Variants in PCNT observed in about 807,000 individuals in gnomAD.
PCNT encodes kendrin.
A neutral mutation model predicts 380.4 loss-of-function variants in PCNT; 319 were observed. The observed-to-expected ratio is 0.84, with a 90% CI of 0.77 to 0.92. The LOEUF is 0.92. Ranked by LOEUF, PCNT falls within the 40% of genes least tolerant of loss-of-function variation. The probability of loss-of-function intolerance (pLI) is 0.00; values close to 1 mark genes in which losing one functional copy is unlikely to be tolerated. For missense variants in PCNT, 4,400 were observed against 4,255.3 expected, an observed-to-expected ratio of 1.03 and a Z score of -0.95; for synonymous variants, 1,845 against 1,735.2, an observed-to-expected ratio of 1.06 and a Z score of -1.57.
intron 3 of PCNT, among the ~76,000 whole-genome samples, chr21:46,340,005 G>A (rs929339288): frequency 2.6e-5 from 4 of 152,062 alleles, no homozygotes; most frequent in African/African-American, 9.7e-5. Flanking sequence ...CCATTCTCAT[G>A]CTGCTAATAA....
At chr21:46,381,339 A>G (rs2085533072) in intron 15 of PCNT, among the ~76,000 whole-genome samples, 1 of 152,148 alleles carries the variant, frequency 6.6e-6, no homozygotes, top group African/African-American at 2.4e-5. Context: ...GTTTCCAAAT[A>G]TCTTGGGTTT....
rs1477293568 is a variant in PCNT at position 46,430,187 on chromosome 21, T to C, written c.7868T>C (p.Leu2623Pro). 6.2e-7 allele frequency: 1 copy of C among 1,614,010 alleles called. No individual in the cohort carries two copies. Among genetic ancestry groups the C allele is most frequent in the Non-Finnish European group, 8.5e-7 (1 of 1,179,950 alleles). ...GAGAGCAGGCAGAAGAGCGAACAGC[T>C]GTCCCGGTCCCTCTGCGAGGTGCAG... is the stretch of plus-strand genomic sequence containing the variant. Reference protein sequence around the residue: ...LCESRQKSEQLSRSLCEVQQE... With the variant: ...LCESRQKSEQPSRSLCEVQQE... The change falls in exon 36 of 47, where the codon CTG becomes CCG. Residue 2623 changes from leucine to proline, a missense_variant. Physicochemically the swap from Leu to Pro is moderately conservative, Grantham distance 98. Coordinates refer to ENST00000359568, the MANE Select transcript of PCNT (RefSeq NM_006031.6).
At chr21:46,441,655 G>A (rs764582508) in intron 43 of PCNT, among the ~76,000 whole-genome samples, 57 of 152,150 alleles carry the variant, frequency 3.7e-4, no homozygotes, top group African/African-American at 1.3e-3. Flanking sequence ...TCCCCTGACC[G>A]TAGGCCTCCA....
intron 16 of PCNT, 101 bp downstream of exon 16, chr21:46,381,941 G>A (rs2085559962): frequency 7.9e-7 from 1 of 1,263,346 alleles, no homozygotes; most frequent in Non-Finnish European, 1.2e-6. Flanking sequence ...GTGCACTCAT[G>A]GTGTTGTGCA....
rs773730479 is a variant in PCNT at position 46,411,141 on chromosome 21, C to A, written c.5116-48C>A. 3 of 1,571,982 alleles carry A rather than the reference C, an allele frequency of 1.9e-6. 1 individual carries two copies. The South Asian group carries it at 3.3e-5, about 18-fold the overall frequency. On this transcript the variant is annotated intron_variant, in intron 27 of 46. Coordinates refer to ENST00000359568, the MANE Select transcript of PCNT (RefSeq NM_006031.6). ...TAACGTGCCCTGAAGTAGGGACATT[C>A]GGAAGTGGATACATTTAATTTGCCT...
rs1007480506 is a variant in PCNT, at chr21:46,388,691, G to A, written c.3465-51G>A. 3 of 1,609,074 alleles carry A rather than the reference G, an allele frequency of 1.9e-6. No homozygotes were observed. The African/African-American group carries it at 4.0e-5, about 21-fold the overall frequency. On this transcript the variant is annotated intron_variant, in intron 17 of 46. Transcript: ENST00000359568. The surrounding 1 kb of genome is among the most constrained non-coding windows in gnomAD (Gnocchi z 4.2). ...GCCCCTCAGCAGCATCCAGGGTGGG[G>A]GTTCTTATGCCGTGACCAGCTTGCC...
At chr21:46,349,245 A>G (rs1000761578) in intron 7 of PCNT, 59 bp downstream of exon 7, 13 of 1,364,502 alleles carry the variant, frequency 9.5e-6, no homozygotes, top group Admixed American at 3.4e-5. Context: ...GTAGTACTGG[A>G]AGGAATGTCG....
Position 46,425,077 on chromosome 21 carries a change from G to A in PCNT, c.7180-754G>A, listed in dbSNP as rs913930942. On this transcript the variant is annotated intron_variant, in intron 32 of 46. Transcript: ENST00000359568. The surrounding 1 kb of genome is among the most constrained non-coding windows in gnomAD (Gnocchi z 4.2). Reference sequence around the variant, plus strand: ...TTTCTCTTCAGGTTTTTATGCAGACGTGTCCTGTGCTTGGGTGTGTGCTCA... The same window carrying A: ...TTTCTCTTCAGGTTTTTATGCAGACATGTCCTGTGCTTGGGTGTGTGCTCA... Among the ~76,000 whole-genome samples, 3 of 152,064 alleles carry A rather than the reference G, an allele frequency of 2.0e-5. No homozygotes were observed. Among genetic ancestry groups the A allele is most frequent in the Non-Finnish European group, 4.4e-5 (3 of 68,030 alleles).
At position 46,357,009 on chromosome 21, in the gene PCNT, G is replaced by T; in HGVS notation, c.1972G>T (p.Gly658Trp). The change falls in exon 13 of 47, where the codon GGG becomes TGG. Residue 658 changes from glycine to tryptophan, a missense_variant. Coordinates refer to ENST00000359568, the MANE Select transcript of PCNT (RefSeq NM_006031.6). ...GGTGCATCTCCAGGGTGTGCAGGAC[G>T]GGGACTTGGAGGCCGACACAGAGCG... is the stretch of plus-strand genomic sequence containing the variant. Reference protein sequence around the residue: ...PWVHLQGVQDGDLEADTERAA... With the variant: ...PWVHLQGVQDWDLEADTERAA... 6.2e-7 allele frequency: 1 copy of T among 1,614,204 alleles called. No individual in the cohort carries two copies. Among genetic ancestry groups the T allele is most frequent in the Non-Finnish European group, 8.5e-7 (1 of 1,180,046 alleles).
At chr21:46,365,894 G>A (rs2084910503) in intron 14 of PCNT, among the ~76,000 whole-genome samples, 2 of 123,434 alleles carry the variant, frequency 1.6e-5, no homozygotes, top group Admixed American at 7.3e-5. Flanking sequence ...ACTGTCGTGG[G>A]GTTCTGTTCA....
At chr21:46,443,343 C>T (rs146152236) in intron 44 of PCNT, among the ~76,000 whole-genome samples, 2,131 of 152,352 alleles carry the variant, frequency 0.014, 23 homozygotes, top group Non-Finnish European at 0.021. Context: ...TCAGCCTCCC[C>T]AGTACCTGGG....
In PCNT at chr21:46,436,469, G is replaced by GCCCCCCCCCCCCCCCCCCCCCCCCCCCCC. The variant is rs769557050; in HGVS notation, c.8996+321_8996+322insCCCCCCCCCCCCCCCCCCCCCCCCCCCCC. ...CAGGGTCGGGTTTGGAGCCTCCTGTGGCCCCCCCCCCCCCCCCCCGCTGGC... is the reference window on the plus strand; with the variant it reads ...CAGGGTCGGGTTTGGAGCCTCCTGTGCCCCCCCCCCCCCCCCCCCCCCCCCCCCCGCCCCCCCCCCCCCCCCCCGCTGGC... On this transcript the variant is annotated intron_variant, in intron 39 of 46. Transcript: ENST00000359568. 5.0e-5 allele frequency among the ~76,000 whole-genome samples: 2 copies of GCCCCCCCCCCCCCCCCCCCCCCCCCCCCC among 39,988 alleles called. 1 individual carries two copies. The highest frequency in any genetic ancestry group is 1.5e-4 in the African/African-American group (2 of 13,302). The allele number at this position is 39,988 out of a possible 152,430, so 26.2% of individuals were successfully genotyped here. A position where few individuals can be genotyped will look rare whatever the true frequency, so the allele number is the denominator to read the frequency against.
Position 46,355,623 on chromosome 21 carries a change from C to T in PCNT, c.1933C>T (p.Gln645Ter). 6.2e-7 allele frequency: 1 copy of T among 1,612,522 alleles called. No homozygotes were observed. Among genetic ancestry groups the T allele is most frequent in the Non-Finnish European group, 8.5e-7 (1 of 1,179,440 alleles). Residue 645 changes from glutamine (Q) to a stop codon, truncating the protein, a stop_gained, in exon 12 of 47, where the codon CAA becomes TAA. Transcript: ENST00000359568. LOFTEE classifies it high-confidence loss of function. ...TCTGGAACCCTCTGAAGGGCACAGC[C>T]AAGGTGGGCCCCTCCCGCCTCGCCA... is the stretch of plus-strand genomic sequence containing the variant. ...WRLEPSEGHS[Q>*]ELPWVHLQGV...
chr21:46,366,143 C>T lies in PCNT; in HGVS notation c.2610-441C>T, dbSNP rs185525053. On this transcript the variant is annotated intron_variant, in intron 14 of 46. Coordinates refer to ENST00000359568, the MANE Select transcript of PCNT (RefSeq NM_006031.6). ...TCACTGCCATGGGGTTCTCAGGCCT[C>T]GCCCTCCCCATGGGCCCCCATGGGC... 3.0e-4 allele frequency among the ~76,000 whole-genome samples: 45 copies of T among 152,340 alleles called. No individual in the cohort carries two copies. In the East Asian group the frequency reaches 5.4e-3, roughly 18 times the overall value.
intron 31 of PCNT, among the ~76,000 whole-genome samples, chr21:46,419,016 G>T (rs1051818289): frequency 6.6e-6 from 1 of 152,156 alleles, no homozygotes; most frequent in African/African-American, 2.4e-5. Context: ...TCCCTTGGTT[G>T]CCCTGGCCCG....
intron 33 of PCNT, among the ~76,000 whole-genome samples, chr21:46,426,656 C>T (rs1241460090): frequency 1.3e-5 from 2 of 152,214 alleles, no homozygotes; most frequent in Non-Finnish European, 2.9e-5. Flanking sequence ...CCCCTCCACA[C>T]CCCAAGCCCC....
At chr21:46,389,510 C>A in intron 19 of PCNT, 79 bp downstream of exon 19, 1 of 1,173,438 alleles carries the variant, frequency 8.5e-7, no homozygotes, top group Non-Finnish European at 1.2e-6. Flanking sequence ...CTGGTGGATG[C>A]CGGTGCCAAC....
chr21:46,424,811 C>T (rs1313646595), intron 32 of PCNT, among the ~76,000 whole-genome samples: 3 of 151,544 alleles, frequency 2.0e-5, no homozygotes, highest in African/African-American at 4.9e-5. Flanking sequence ...CCTGCTCTGC[C>T]GCAGACCTCA....
In PCNT at chr21:46,334,783, C is replaced by G; in HGVS notation, c.639+15C>G. 2 of 1,614,242 alleles carry G rather than the reference C, an allele frequency of 1.2e-6. No homozygotes were observed. The highest frequency in any genetic ancestry group is 1.7e-6 in the Non-Finnish European group (2 of 1,180,034). The stretch of plus-strand genomic sequence containing the variant: ...TGTTCACAAAGGTATTCTTTAAGTT[C>G]TCTGTTAAGGTGTATTCTTTGTCAA... On this transcript the variant is annotated intron_variant, in intron 3 of 46. Coordinates refer to ENST00000359568, the MANE Select transcript of PCNT (RefSeq NM_006031.6).
Sources: gnomAD v4.1 joint callset for allele counts (sites outside exome capture counted in the v4.1 genomes callset) on GRCh38, gnomAD v4.1.1 for gene constraint, Gnocchi (gnomAD v3.1) non-coding constraint, MANE v1.5 for transcripts, NCBI Gene and HGNC (gene_info 2026-07-23, HGNC 2026-07-21) for gene names.